SSH2: variants seen among roughly 807,000 people sequenced by gnomAD.
SSH2 encodes slingshot protein phosphatase 2.
In SSH2, 37 loss-of-function variants were observed where a neutral mutation model predicts 135.2. That is an observed-to-expected ratio of 0.27 (90% CI 0.21 to 0.36). The LOEUF is 0.36. SSH2 is among the 10% of genes least tolerant of loss of function. The probability of loss-of-function intolerance (pLI) is 1.00; values close to 1 mark genes in which losing one functional copy is unlikely to be tolerated. For synonymous variants in SSH2, 628 were observed against 646.2 expected (o/e 0.97, Z 0.43); for missense variants, 1,408 against 1,765.3 (o/e 0.80, Z 3.63).
At chr17:29,761,165 T>C (rs773722059) in intron 3 of SSH2, 1 of 1,289,370 alleles carries the variant, frequency 7.8e-7, no homozygotes, top group South Asian at 1.2e-5. Flanking sequence ...GTTGATGGCG[T>C]TCTGCGAGAT....
chr17:29,655,163 GC>G (rs2036731672), intron 12 of SSH2, among the ~76,000 whole-genome samples: 1 of 151,978 alleles, frequency 6.6e-6, no homozygotes, highest in Admixed American at 6.6e-5. Flanking sequence ...GAGTGCAGTG[GC>G]GTGATCTTGG....
intron 2 of SSH2, among the ~76,000 whole-genome samples, chr17:29,845,479 T>C (rs1194816870): frequency 6.6e-6 from 1 of 152,196 alleles, no homozygotes; most frequent in Admixed American, 6.5e-5. Context: ...GCCAAGTACA[T>C]GAAACAACTT....
intron 3 of SSH2, among the ~76,000 whole-genome samples, chr17:29,760,713 G>C (rs962103018): frequency 6.6e-6 from 1 of 151,320 alleles, no homozygotes; most frequent in African/African-American, 2.4e-5. Flanking sequence ...TAAATGGTTA[G>C]CAATAGAAAC....
chr17:29,791,784 GT>G (rs966577927), intron 3 of SSH2, among the ~76,000 whole-genome samples: 49 of 152,078 alleles, frequency 3.2e-4, no homozygotes, highest in Non-Finnish European at 5.6e-4. Context: ...TTGCTACTAG[GT>G]TTTTTTCATT....
At position 29,630,598 on chromosome 17, in the gene SSH2, T is replaced by G; in HGVS notation, c.*243A>C. On this transcript the variant is annotated 3_prime_UTR_variant, in exon 16 of 16. Transcript: ENST00000540801. ...TAAAGGTGTTCTCTGAAAATGACTT[T>G]TTTGAGGTTTGATTTTTTTAAATAA... 3.1e-6 allele frequency: 1 copy of G among 320,756 alleles called. No homozygotes were observed. The highest frequency in any genetic ancestry group is 5.6e-6 in the Non-Finnish European group (1 of 179,180). The allele number at this position is 320,756 out of a possible 1,614,324, so 19.9% of individuals were successfully genotyped here. A position where few individuals can be genotyped will look rare whatever the true frequency, so the allele number is the denominator to read the frequency against.
At chr17:29,699,002 C>T (rs771279939) in intron 4 of SSH2, among the ~76,000 whole-genome samples, 1 of 152,154 alleles carries the variant, frequency 6.6e-6, no homozygotes, top group African/African-American at 2.4e-5. Flanking sequence ...CCTTCTTATG[C>T]GAGTTGGAAG....
At chr17:29,921,239 C>T (rs998173582) in intron 1 of SSH2, among the ~76,000 whole-genome samples, 4 of 152,102 alleles carry the variant, frequency 2.6e-5, no homozygotes, top group Non-Finnish European at 4.4e-5. Flanking sequence ...ACAATGCTTA[C>T]GCCACAGGAG....
rs551110372 is a variant in SSH2, at chr17:29,712,387, T to C, written c.189-9325A>G. On this transcript the variant is annotated intron_variant, in intron 3 of 15. Coordinates refer to ENST00000540801, the MANE Select transcript of SSH2 (RefSeq NM_001282129.2). ...TTGACTTTTCCCTTTGGCTTGGTGA[T>C]GATTTGGGTGATGATTTTGAGATTT... Among the ~76,000 whole-genome samples the C allele has an allele frequency of 2.0e-5, 3 of 152,360 alleles. No individual in the cohort carries two copies. In the South Asian group the frequency reaches 6.2e-4, roughly 32 times the overall value.
intron 14 of SSH2, among the ~76,000 whole-genome samples, chr17:29,641,937 CTTTTT>C (rs34380761): frequency 7.2e-5 from 10 of 139,504 alleles, no homozygotes; most frequent in African/African-American, 2.7e-4. Context: ...TAGACATTGT[CTTTTT>C]TTTTTTTTTT....
intron 3 of SSH2, among the ~76,000 whole-genome samples, chr17:29,751,877 A>G (rs942003785): frequency 1.3e-5 from 2 of 152,206 alleles, no homozygotes; most frequent in Non-Finnish European, 2.9e-5. Context: ...ATAAAAGCAA[A>G]TATCAAAAGT....
intron 2 of SSH2, among the ~76,000 whole-genome samples, chr17:29,805,500 T>A (rs2042328656): frequency 6.6e-6 from 1 of 152,136 alleles, no homozygotes; most frequent in South Asian, 2.1e-4. Flanking sequence ...GTTGGTCCGC[T>A]GGTGTGCTGG....
intron 9 of SSH2, among the ~76,000 whole-genome samples, chr17:29,667,564 A>C (rs748363132): frequency 1.3e-5 from 2 of 152,220 alleles, no homozygotes; most frequent in South Asian, 2.1e-4. Context: ...CCTTATGAGA[A>C]GCTAACTAAC....
intron 1 of SSH2, among the ~76,000 whole-genome samples, chr17:29,912,925 T>C (rs1052980647): frequency 1.3e-5 from 2 of 152,064 alleles, no homozygotes; most frequent in Non-Finnish European, 2.9e-5. Flanking sequence ...ATGTATGTCA[T>C]CTGCCAAATC....
rs145657605 is a variant in SSH2 at position 29,847,478 on chromosome 17, GTTTT to G, written c.144+1367_144+1370del. Among the ~76,000 whole-genome samples the G allele has an allele frequency of 4.9e-3, 752 of 152,188 alleles. 11 individuals carry two copies. Among genetic ancestry groups the G allele is most frequent in the African/African-American group, 0.017 (707 of 41,542 alleles). The stretch of plus-strand genomic sequence containing the variant: ...GCATTTTTGTAGCCGACCCCCTCAG[GTTTT>G]TTTGAGGGAGGGTGGTGCTCAATAG... On this transcript the variant is annotated intron_variant, in intron 2 of 15. Transcript: ENST00000540801.
intron 6 of SSH2, 48 bp from the exon 7 acceptor site, chr17:29,677,789 A>G (rs1292828220): frequency 6.8e-7 from 1 of 1,468,196 alleles, no homozygotes; most frequent in South Asian, 1.1e-5. Context: ...TACTCTGGGA[A>G]GCAGTCTTCT....
intron 1 of SSH2, among the ~76,000 whole-genome samples, chr17:29,874,061 G>A (rs573357453): frequency 1.3e-5 from 2 of 152,306 alleles, no homozygotes; most frequent in South Asian, 2.1e-4. Flanking sequence ...GGGAGGCTGA[G>A]GTGGGTGGAT....
At chr17:29,928,418 G>T in intron 1 of SSH2, 2 of 397,682 alleles carry the variant, frequency 5.0e-6, no homozygotes, top group South Asian at 1.3e-4. Context: ...CCCACTGCAG[G>T]AATTCTTTAT....
intron 2 of SSH2, among the ~76,000 whole-genome samples, chr17:29,832,637 A>C (rs1340354203): frequency 2.0e-5 from 3 of 152,124 alleles, no homozygotes; most frequent in African/African-American, 7.2e-5. Context: ...GTGGTCAGAG[A>C]AGATACTTGA....
chr17:29,783,319 T>A (rs896065951), intron 3 of SSH2, among the ~76,000 whole-genome samples: 12 of 37,332 alleles, frequency 3.2e-4, no homozygotes, highest in Non-Finnish European at 6.0e-4. Flanking sequence ...TAACATATAT[T>A]ATATATATAT....
Sources: gnomAD v4.1 joint callset for allele counts (sites outside exome capture counted in the v4.1 genomes callset) on GRCh38, gnomAD v4.1.1 for gene constraint, MANE v1.5 for transcripts, NCBI Gene and HGNC (gene_info 2026-07-23, HGNC 2026-07-21) for gene names.